The following RNF24 variants were observed in gnomAD, a reference collection of about 807,000 sequenced individuals.
RNF24 encodes the protein ring finger protein 24.
Under a neutral mutation model 20.0 loss-of-function variants are expected in RNF24, and 14 were observed. The observed-to-expected ratio is 0.70, with a 90% CI of 0.46 to 1.10. RNF24 has a LOEUF of 1.10. RNF24 is among the 50% of genes least tolerant of loss of function. The pLI is 0.00. For synonymous variants in RNF24, 45 were observed against 61.1 expected, an observed-to-expected ratio of 0.74 and a Z score of 1.23; for missense variants, 124 against 177.6, an observed-to-expected ratio of 0.70 and a Z score of 1.71.
At position 3,934,271 on chromosome 20, in the gene RNF24, T is replaced by G; in HGVS notation, c.309-70A>C. The G allele has an allele frequency of 6.8e-7, 1 of 1,480,392 alleles. No homozygotes were observed. Among genetic ancestry groups the G allele is most frequent in the Admixed American group, 2.0e-5 (1 of 50,838 alleles). The allele number at this position is 1,480,392 out of a possible 1,614,324, so 91.7% of individuals were successfully genotyped here. ...CATGGCACGGCTGTTCTGCTGAACA[T>G]CTCCATATCTGTCACCCAGACAACG... is the stretch of plus-strand genomic sequence containing the variant. On this transcript the variant is annotated intron_variant, in intron 5 of 5. Transcript: ENST00000358395. This position sits in a 1 kb window ranked among gnomAD's most constrained non-coding sequence, Gnocchi z 4.0.
At chr20:3,971,270 A>G (rs1978339869) in intron 1 of RNF24, among the ~76,000 whole-genome samples, 1 of 152,164 alleles carries the variant, frequency 6.6e-6, no homozygotes, top group African/African-American at 2.4e-5. Context: ...TACATCCAGC[A>G]AAAATACCCT....
At chr20:3,967,973 C>CAAAAA (rs58984163) in intron 1 of RNF24, among the ~76,000 whole-genome samples, 34 of 77,152 alleles carry the variant, frequency 4.4e-4, no homozygotes, top group South Asian at 1.9e-3. Flanking sequence ...AGCCTGGCAA[C>CAAAAA]AAAAAAAAAA....
chr20:3,962,851 C>A (rs2091218211), intron 2 of RNF24, among the ~76,000 whole-genome samples: 1 of 151,750 alleles, frequency 6.6e-6, no homozygotes, highest in Non-Finnish European at 1.5e-5. Context: ...CAGGTGCCCA[C>A]CACCACACCT....
At chr20:3,998,387 C>G (rs1981066781) in intron 1 of RNF24, among the ~76,000 whole-genome samples, 1 of 151,818 alleles carries the variant, frequency 6.6e-6, no homozygotes. Flanking sequence ...CCAGCCTGAC[C>G]AGTATGGTGA....
At chr20:3,935,176 A>C in intron 4 of RNF24, 103 bp from the exon 5 acceptor site, 2 of 789,970 alleles carry the variant, frequency 2.5e-6, no homozygotes, top group Non-Finnish European at 4.2e-6. Context: ...GAAGGGACTC[A>C]TGAGACTCTT....
intron 1 of RNF24, among the ~76,000 whole-genome samples, chr20:4,013,402 C>A (rs1982619964): frequency 6.6e-6 from 1 of 152,066 alleles, no homozygotes; most frequent in African/African-American, 2.4e-5. Flanking sequence ...AAAACAGAAC[C>A]CATACAATTA....
intron 2 of RNF24, among the ~76,000 whole-genome samples, chr20:3,962,929 G>A (rs1197764065): frequency 4.6e-5 from 7 of 151,856 alleles, no homozygotes; most frequent in African/African-American, 1.2e-4. Flanking sequence ...TCGAACTCCC[G>A]ACCTCAGGTA....
intron 4 of RNF24, among the ~76,000 whole-genome samples, chr20:3,942,818 GT>G (rs375685386): frequency 1.8e-3 from 243 of 138,630 alleles, no homozygotes; most frequent in African/African-American, 3.0e-3. Flanking sequence ...GATGAAGACA[GT>G]TTTTTTTTTT....
intron 4 of RNF24, among the ~76,000 whole-genome samples, chr20:3,938,011 T>C (rs989342085): frequency 5.3e-5 from 8 of 152,202 alleles, no homozygotes; most frequent in Admixed American, 5.2e-4. Flanking sequence ...AACTCTATGT[T>C]TACCTTTTTG....
chr20:3,995,030 A>T (rs769376237), intron 1 of RNF24, among the ~76,000 whole-genome samples: 7 of 152,258 alleles, frequency 4.6e-5, no homozygotes, highest in Non-Finnish European at 8.8e-5. Flanking sequence ...ATAGCCAGGA[A>T]CTGAGAGCAA....
At chr20:3,943,110 C>G (rs2090977057) in intron 4 of RNF24, among the ~76,000 whole-genome samples, 1 of 152,142 alleles carries the variant, frequency 6.6e-6, no homozygotes, top group Admixed American at 6.5e-5. Flanking sequence ...GCCACCCAGC[C>G]CGGCGAGAGA....
At chr20:3,937,777 T>C (rs2090908801) in intron 4 of RNF24, among the ~76,000 whole-genome samples, 2 of 152,228 alleles carry the variant, frequency 1.3e-5, no homozygotes, top group South Asian at 2.1e-4. Context: ...TATTGTAACA[T>C]ATATCAGTAC....
chr20:3,932,209 CTCA>C lies in RNF24; in HGVS notation c.*1851_*1853del, dbSNP rs1266432218. The C allele has an allele frequency of 1.3e-5, 2 of 152,184 alleles. No individual in the cohort carries two copies. Among genetic ancestry groups the C allele is most frequent in the Non-Finnish European group, 2.9e-5 (2 of 68,040 alleles). 9.4% of individuals were successfully genotyped at this position (152,184 alleles called of 1,614,324 possible). On this transcript the variant is annotated 3_prime_UTR_variant, in exon 6 of 6. Transcript: ENST00000358395. ...TTCTGATATTGGTCACTGAAAACAG[CTCA>C]CTATAAACGGGGTGTTTTGTGGCAT...
At chr20:3,948,929 A>G (rs1568622452) in intron 2 of RNF24, among the ~76,000 whole-genome samples, 1 of 152,166 alleles carries the variant, frequency 6.6e-6, no homozygotes, top group Non-Finnish European at 1.5e-5. Context: ...TGAATATAAT[A>G]CCATTTATTT....
At chr20:3,971,411 A>T (rs1433170509) in intron 1 of RNF24, among the ~76,000 whole-genome samples, 1 of 152,228 alleles carries the variant, frequency 6.6e-6, no homozygotes. Flanking sequence ...TAAGAAAAGG[A>T]ACCTTGGAAC....
At chr20:3,972,263 T>C (rs1156747777) in intron 1 of RNF24, among the ~76,000 whole-genome samples, 1 of 151,962 alleles carries the variant, frequency 6.6e-6, no homozygotes, top group South Asian at 2.1e-4. Context: ...CCAGCAAGGA[T>C]AAAGAAAAAT....
At chr20:3,937,680 G>A (rs144181436) in intron 4 of RNF24, among the ~76,000 whole-genome samples, 2 of 151,840 alleles carry the variant, frequency 1.3e-5, no homozygotes. Flanking sequence ...GTCTACTCGG[G>A]ACATTTCATA....
chr20:3,973,901 C>A (rs981307829), intron 1 of RNF24, among the ~76,000 whole-genome samples: 1 of 151,986 alleles, frequency 6.6e-6, no homozygotes, highest in Non-Finnish European at 1.5e-5. Context: ...GAAGCCAATG[C>A]GACCTTGATA....
intron 1 of RNF24, among the ~76,000 whole-genome samples, chr20:4,001,760 A>T (rs747803362): frequency 6.6e-6 from 1 of 151,852 alleles, no homozygotes; most frequent in Non-Finnish European, 1.5e-5. Context: ...AGAGAGTAAG[A>T]CCTCATCTCT....
Sources: gnomAD v4.1 joint callset for allele counts (sites outside exome capture counted in the v4.1 genomes callset) on GRCh38, gnomAD v4.1.1 for gene constraint, Gnocchi (gnomAD v3.1) non-coding constraint, MANE v1.5 for transcripts, NCBI Gene and HGNC (gene_info 2026-07-23, HGNC 2026-07-21) for gene names.